Variants in DDX25 observed in about 807,000 individuals in gnomAD.
The protein encoded by DDX25 is DEAD-box helicase 25.
Under a neutral mutation model 64.6 loss-of-function variants are expected in DDX25, and 70 were observed. The ratio of observed to expected loss-of-function variants is 1.08; its 90% CI spans 0.89 to 1.32. The LOEUF (loss-of-function observed/expected upper bound fraction) is 1.32. DDX25 is among the 40% of genes most tolerant of loss of function. DDX25 has a pLI of 0.00. For missense variants in DDX25, 587 were observed against 604.4 expected (o/e 0.97, Z 0.30); for synonymous variants, 211 against 213.3 (o/e 0.99, Z 0.09).
In DDX25 at chr11:125,923,133, A is replaced by G. The variant is rs542845844; in HGVS notation, c.*252A>G. 1.4e-4 allele frequency: 61 copies of G among 445,482 alleles called. No homozygotes were observed. The highest frequency in any genetic ancestry group is 4.9e-4 in the South Asian group (15 of 30,896). The allele number at this position is 445,482 out of a possible 1,614,324, so 27.6% of individuals were successfully genotyped here. The stretch of plus-strand genomic sequence containing the variant: ...TAATCTTTGTACAGGTAATGTCTCA[A>G]TGTGGGCTATGGGGGTGTTTTTGGA... On this transcript the variant is annotated 3_prime_UTR_variant, in exon 12 of 12. Coordinates refer to ENST00000263576, the MANE Select transcript of DDX25 (RefSeq NM_013264.5).
At position 125,904,593 on chromosome 11, in the gene DDX25, G is replaced by A; in HGVS notation, c.63+13G>A. The A allele has an allele frequency of 1.4e-6, 2 of 1,472,926 alleles. No homozygotes were observed. The highest frequency in any genetic ancestry group is 2.2e-4 in the Middle Eastern group (1 of 4,556). The allele number at this position is 1,472,926 out of a possible 1,614,324, so 91.2% of individuals were successfully genotyped here. ...GCTGAACAGCCACGTAACCGCCACCGAGCCGGGGGGCCACAGCCGCGGGGG... is the reference window on the plus strand; with the variant it reads ...GCTGAACAGCCACGTAACCGCCACCAAGCCGGGGGGCCACAGCCGCGGGGG... On this transcript the variant is annotated intron_variant, in intron 1 of 11. Coordinates refer to ENST00000263576, the MANE Select transcript of DDX25 (RefSeq NM_013264.5).
rs1277252841 is a variant in DDX25, at chr11:125,918,737, G to C, written c.1148G>C (p.Arg383Thr). ...GAGCAGCGAGCTTCCATCATTCAGA[G>C]GTTTCGGGATGGGAAAGAGAAGGTT... ...TVEQRASIIQ[R>T]FRDGKEKVLI... Residue 383 changes from arginine to threonine, a missense_variant, in exon 10 of 12, where the codon AGG (arginine) becomes ACG (threonine). Coordinates refer to ENST00000263576, the MANE Select transcript of DDX25 (RefSeq NM_013264.5). The C allele has an allele frequency of 6.2e-7, 1 of 1,611,490 alleles. No individual in the cohort carries two copies. Among genetic ancestry groups the C allele is most frequent in the African/African-American group, 1.3e-5 (1 of 74,906 alleles).
chr11:125,905,682 C>A, intron 3 of DDX25, 85 bp downstream of exon 3: 1 of 1,372,868 alleles, frequency 7.3e-7, no homozygotes, highest in Non-Finnish European at 1.0e-6. Context: ...AATATAATCT[C>A]AATTGGAAAA....
At chr11:125,904,502 A>T (rs1944847312), upstream of DDX25, 1 of 1,479,202 alleles carries the variant, frequency 6.8e-7, no homozygotes, top group Non-Finnish European at 9.0e-7. Flanking sequence ...TGGGGGCGGG[A>T]GCAGCAATCG....
chr11:125,910,306 A>G (rs1435356839), intron 6 of DDX25, 58 bp from the exon 7 acceptor site: 1 of 1,446,790 alleles, frequency 6.9e-7, no homozygotes, highest in African/African-American at 1.4e-5. Context: ...TTGCAGTTGA[A>G]ATTTGAAAGA....
chr11:125,908,040 T>C (rs1029753036), intron 4 of DDX25, among the ~76,000 whole-genome samples, 156 bp from the exon 5 acceptor site: 2 of 152,246 alleles, frequency 1.3e-5, no homozygotes, highest in African/African-American at 4.8e-5. Context: ...TGATTGTTTA[T>C]GTTTGGAAGT....
chr11:125,922,756 G>T, intron 11 of DDX25, 64 bp from the exon 12 acceptor site: 3 of 1,411,000 alleles, frequency 2.1e-6, no homozygotes, highest in Non-Finnish European at 2.9e-6. Context: ...CAGAAATATG[G>T]ATGGAATGAA....
In DDX25 at chr11:125,918,714, G is replaced by A. The variant is rs1945072843; in HGVS notation, c.1125G>A (p.Glu375=). 2 of 1,613,728 alleles carry A rather than the reference G, an allele frequency of 1.2e-6. No homozygotes were observed. Among genetic ancestry groups the A allele is most frequent in the Non-Finnish European group, 1.7e-6 (2 of 1,179,784 alleles). The change falls in exon 10 of 12, where the codon GAG becomes GAA. Residue 375 remains glutamate, a synonymous_variant. Coordinates refer to ENST00000263576, the MANE Select transcript of DDX25 (RefSeq NM_013264.5). ...VSLLSGELTV[E]QRASIIQRFR... The stretch of plus-strand genomic sequence containing the variant: ...TGTTAAGCGGGGAGCTGACCGTGGA[G>A]CAGCGAGCTTCCATCATTCAGAGGT...
At chr11:125,919,553 CTT>C (rs376752578) in intron 10 of DDX25, among the ~76,000 whole-genome samples, 16 of 126,972 alleles carry the variant, frequency 1.3e-4, no homozygotes, top group East Asian at 4.6e-4. Flanking sequence ...GAAAAAAATC[CTT>C]TTTTTTTTTT....
chr11:125,910,335 T>A, intron 6 of DDX25, 29 bp from the exon 7 acceptor site: 1 of 1,592,398 alleles, frequency 6.3e-7, no homozygotes. Flanking sequence ...AGAACCTTTC[T>A]CCTCCCCTCT....
In DDX25 at chr11:125,907,532, C is replaced by T. The variant is rs557702504; in HGVS notation, c.312-664C>T. Among the ~76,000 whole-genome samples, 58 of 152,022 alleles carry T rather than the reference C, an allele frequency of 3.8e-4. No homozygotes were observed. The South Asian group carries it at 0.011, about 28-fold the overall frequency. On this transcript the variant is annotated intron_variant, in intron 4 of 11. Coordinates refer to ENST00000263576, the MANE Select transcript of DDX25 (RefSeq NM_013264.5). ...CTGAGGCAGGAGAATGGCGTGAACC[C>T]GGGAGGTGGAGCTTGCAGTGAGCTG...
chr11:125,910,212 T>A (rs1319577592), intron 6 of DDX25, among the ~76,000 whole-genome samples, 152 bp from the exon 7 acceptor site: 2 of 152,234 alleles, frequency 1.3e-5, no homozygotes, highest in Non-Finnish European at 2.9e-5. Flanking sequence ...ATCTGTCAAC[T>A]ATTAAACTGT....
At chr11:125,906,863 A>G (rs1944896476) in intron 4 of DDX25, among the ~76,000 whole-genome samples, 1 of 151,220 alleles carries the variant, frequency 6.6e-6, no homozygotes, top group African/African-American at 2.4e-5. Context: ...GAAGAACATT[A>G]GGATACTCAA....
intron 10 of DDX25, chr11:125,920,871 G>C (rs1484803122): frequency 4.3e-6 from 1 of 233,006 alleles, no homozygotes. Context: ...GAGAGGAGAG[G>C]GTGGCTCTGT....
At chr11:125,919,116 T>C (rs1472103733) in intron 10 of DDX25, among the ~76,000 whole-genome samples, 1 of 152,210 alleles carries the variant, frequency 6.6e-6, no homozygotes, top group Non-Finnish European at 1.5e-5. Flanking sequence ...ATTTCATTAG[T>C]ATTGTTCCAT....
At chr11:125,906,035 G>A in intron 3 of DDX25, 39 bp from the exon 4 acceptor site, 2 of 1,516,574 alleles carry the variant, frequency 1.3e-6, no homozygotes, top group Non-Finnish European at 1.8e-6. Flanking sequence ...ATGTCATTCA[G>A]GAAGCTTGAT....
rs1218968908 is a variant in DDX25 at position 125,904,525 on chromosome 11, C to G, written c.8C>G (p.Ser3Trp). ...GGAGCAGCAATCGCAGCCATGGCGTCGTTACTGTGGGGAGGCGACGCAGGG... is the reference window on the plus strand; with the variant it reads ...GGAGCAGCAATCGCAGCCATGGCGTGGTTACTGTGGGGAGGCGACGCAGGG... MASLLWGGDAGAA... is the reference protein window; with the variant it reads MAWLLWGGDAGAA... The change falls in exon 1 of 12, where the codon TCG (serine) becomes TGG (tryptophan). Residue 3 changes from serine (S) to tryptophan (W), a missense_variant. Ser to Trp is a radical substitution (Grantham distance 177, BLOSUM62 -3). Coordinates refer to ENST00000263576, the MANE Select transcript of DDX25 (RefSeq NM_013264.5). The G allele has an allele frequency of 4.3e-5, 64 of 1,491,294 alleles. No individual in the cohort carries two copies. In the Admixed American group the frequency reaches 1.3e-3, roughly 30 times the overall value. The allele number at this position is 1,491,294 out of a possible 1,614,324, so 92.4% of individuals were successfully genotyped here. A position where few individuals can be genotyped will look rare whatever the true frequency, so the allele number is the denominator to read the frequency against.
chr11:125,921,289 C>T lies in DDX25; in HGVS notation c.1300C>T (p.Arg434Trp), dbSNP rs755709544. The change falls in exon 11 of 12, where the codon CGG becomes TGG. Residue 434 changes from arginine to tryptophan, a missense_variant. Transcript: ENST00000263576. The surrounding 1 kb of genome is among the most constrained non-coding windows in gnomAD (Gnocchi z 4.1). ...TGAGACCTACCTCCACCGCATAGGG[C>T]GGACGGGGCGCTTTGGGAAAAAAGG... ...DYETYLHRIG[R>W]TGRFGKKGLA... The T allele has an allele frequency of 1.5e-5, 25 of 1,613,370 alleles. No individual in the cohort carries two copies. The Admixed American group carries it at 2.0e-4, about 13-fold the overall frequency.
chr11:125,904,409 A>C (rs1944844822), upstream of DDX25: 1 of 1,101,914 alleles, frequency 9.1e-7, no homozygotes, highest in African/African-American at 1.6e-5. Context: ...GCGGGCGCGG[A>C]CGCGGACGCC....
Sources: allele counts gnomAD v4.1 joint callset (sites outside exome capture counted in the v4.1 genomes callset), GRCh38; gene constraint gnomAD v4.1.1; non-coding constraint Gnocchi (gnomAD v3.1); transcripts MANE v1.5; gene names NCBI Gene and HGNC (gene_info 2026-07-23, HGNC 2026-07-21).